The following ABHD12 variants were observed in gnomAD, a reference collection of about 807,000 sequenced individuals.
The protein encoded by ABHD12 is lysophosphatidylserine lipase ABHD12.
Under a neutral mutation model 58.3 loss-of-function variants are expected in ABHD12, and 43 were observed. That is an observed-to-expected ratio of 0.74 (90% CI 0.58 to 0.95). The LOEUF (loss-of-function observed/expected upper bound fraction) is 0.95, where lower values mean the gene tolerates loss of function less well. Ranked by LOEUF, ABHD12 falls within the 40% of genes least tolerant of loss-of-function variation. ABHD12 has a pLI of 0.00. For missense variants in ABHD12, 539 were observed against 537.2 expected (o/e 1.00, Z -0.03); for synonymous variants, 219 against 211.2 (o/e 1.04, Z -0.32).
At chr20:25,324,099 T>C (rs2089131832) in intron 2 of ABHD12, among the ~76,000 whole-genome samples, 1 of 152,184 alleles carries the variant, frequency 6.6e-6, no homozygotes. Flanking sequence ...TACCAGGTCA[T>C]CTGCCAGCAG....
chr20:25,386,263 C>CTTTT (rs201723868), intron 1 of ABHD12, among the ~76,000 whole-genome samples: 1 of 142,174 alleles, frequency 7.0e-6, no homozygotes, highest in Admixed American at 7.0e-5. Context: ...CTTTTTCTTT[C>CTTTT]TTTTTTTTTT....
At chr20:25,385,145 C>T (rs6050572) in intron 1 of ABHD12, among the ~76,000 whole-genome samples, 65 of 152,118 alleles carry the variant, frequency 4.3e-4, no homozygotes, top group African/African-American at 1.4e-3. Context: ...TGAGACCAGC[C>T]TGACCAACAT....
intron 1 of ABHD12, among the ~76,000 whole-genome samples, chr20:25,367,641 T>G (rs2500394): frequency 0.027 from 4,118 of 152,316 alleles, 180 homozygotes; most frequent in African/African-American, 0.09. Flanking sequence ...ACGACTCTAG[T>G]GCCTCACGTA....
At position 25,323,496 on chromosome 20, in the gene ABHD12, C is replaced by T. The variant is rs145913940; in HGVS notation, c.317-66G>A. On this transcript the variant is annotated intron_variant, in intron 2 of 12. Coordinates refer to ENST00000339157, the MANE Select transcript of ABHD12 (RefSeq NM_001042472.3). ...ATGAATACACACATGTACACACAAACATGCATACTCACACACGTGCACAGA... is the reference window on the plus strand; with the variant it reads ...ATGAATACACACATGTACACACAAATATGCATACTCACACACGTGCACAGA... The T allele has an allele frequency of 3.4e-4, 333 of 990,032 alleles. 2 individuals are homozygous for T. The African/African-American group carries it at 4.4e-3, about 13-fold the overall frequency. The allele number at this position is 990,032 out of a possible 1,614,324, so 61.3% of individuals were successfully genotyped here.
At chr20:25,303,824 T>G (rs1368863418) in intron 10 of ABHD12, among the ~76,000 whole-genome samples, 196 bp from the exon 11 acceptor site, 3 of 152,194 alleles carry the variant, frequency 2.0e-5, no homozygotes. Flanking sequence ...AGATGACAGG[T>G]GTCAATCACA....
At chr20:25,297,062 A>AGCCCCCT (rs1051584071), downstream of ABHD12, 1 of 161,354 alleles carries the variant, frequency 6.2e-6, no homozygotes, top group Non-Finnish European at 1.4e-5. Context: ...TCGCCTTCAC[A>AGCCCCCT]GCCCCCTGCC....
chr20:25,336,707 T>A (rs1023655665), intron 2 of ABHD12, among the ~76,000 whole-genome samples: 1 of 152,192 alleles, frequency 6.6e-6, no homozygotes, highest in Non-Finnish European at 1.5e-5. Flanking sequence ...ATGCTGCTCC[T>A]CTGAAGACTG....
intron 2 of ABHD12, among the ~76,000 whole-genome samples, chr20:25,330,291 C>A (rs574665761): frequency 6.6e-6 from 1 of 152,248 alleles, no homozygotes; most frequent in African/African-American, 2.4e-5. Flanking sequence ...GATTATATCC[C>A]GCACATGGCT....
chr20:25,320,395 C>G (rs1371473381), intron 3 of ABHD12, 77 bp from the exon 4 acceptor site: 8 of 1,594,614 alleles, frequency 5.0e-6, no homozygotes, highest in Non-Finnish European at 6.0e-6. Flanking sequence ...CGTGGTGTTA[C>G]TTAATCAGCT....
intron 1 of ABHD12, among the ~76,000 whole-genome samples, chr20:25,370,566 T>C (rs2089887370): frequency 3.3e-5 from 5 of 152,154 alleles, no homozygotes; most frequent in Admixed American, 3.3e-4. Flanking sequence ...AGTCAGGATG[T>C]ATAAGAGAGA....
chr20:25,315,864 C>T (rs563033799), intron 5 of ABHD12, among the ~76,000 whole-genome samples: 45 of 152,348 alleles, frequency 3.0e-4, no homozygotes, highest in Middle Eastern at 3.4e-3. Flanking sequence ...TGTCTGTGTT[C>T]CCTTCTGCCC....
intron 2 of ABHD12, among the ~76,000 whole-genome samples, chr20:25,330,320 C>A (rs6107028): frequency 6.6e-6 from 1 of 152,198 alleles, no homozygotes; most frequent in Admixed American, 6.5e-5. Flanking sequence ...CCTACGCCCA[C>A]GGAGTCTCGC....
intron 2 of ABHD12, among the ~76,000 whole-genome samples, chr20:25,335,968 A>T (rs1372157751): frequency 3.9e-5 from 5 of 127,908 alleles, no homozygotes; most frequent in African/African-American, 6.8e-5. Context: ...AATAATAAAT[A>T]AAAAAAAAAC....
At chr20:25,343,827 C>A (rs2089485609) in intron 1 of ABHD12, among the ~76,000 whole-genome samples, 1 of 152,082 alleles carries the variant, frequency 6.6e-6, no homozygotes. Context: ...ATAAAGAAAA[C>A]TAAAGACCCA....
rs529181784 is a variant in ABHD12, at chr20:25,368,822, T to TA, written c.191+21690dup. On this transcript the variant is annotated intron_variant, in intron 1 of 12. Coordinates refer to ENST00000339157, the MANE Select transcript of ABHD12 (RefSeq NM_001042472.3). ...GGCATCTGCAAAGCCTACTTTCTTT[T>TA]AAAAAAATTATTAGCCATCCTCAGA... 1,998 of 578,938 alleles carry TA rather than the reference T, an allele frequency of 3.5e-3. 25 individuals are homozygous for TA. The highest frequency in any genetic ancestry group is 0.028 in the African/African-American group (1,471 of 52,448). 35.9% of individuals were successfully genotyped at this position (578,938 alleles called of 1,614,324 possible). A position where few individuals can be genotyped will look rare whatever the true frequency, so the allele number is the denominator to read the frequency against.
Position 25,390,521 on chromosome 20 carries a change from C to G in ABHD12, c.183G>C (p.Ala61=). ...TCCGCGCGAAGCCTCACCTGCCCAG[C>G]GCCCGCTTCATTCCCGCGTCGGCTG... ...RCAADAGMKR[A]LGRRKGVWLR... The change falls in exon 1 of 13, where the codon GCG becomes GCC. Residue 61 remains alanine (A), a synonymous_variant. Coordinates refer to ENST00000339157, the MANE Select transcript of ABHD12 (RefSeq NM_001042472.3). The G allele has an allele frequency of 6.8e-7, 1 of 1,465,578 alleles. No homozygotes were observed. Among genetic ancestry groups the G allele is most frequent in the Admixed American group, 2.3e-5 (1 of 42,706 alleles). 90.8% of individuals were successfully genotyped at this position (1,465,578 alleles called of 1,614,324 possible).
intron 6 of ABHD12, among the ~76,000 whole-genome samples, chr20:25,314,598 G>A (rs1306490096): frequency 6.6e-6 from 1 of 151,650 alleles, no homozygotes; most frequent in Non-Finnish European, 1.5e-5. Flanking sequence ...AGGATCCCTT[G>A]AGCCAAGGAG....
chr20:25,337,706 G>T (rs1222801006), intron 2 of ABHD12, among the ~76,000 whole-genome samples: 1 of 152,240 alleles, frequency 6.6e-6, no homozygotes, highest in Non-Finnish European at 1.5e-5. Context: ...TCAAGTCTGA[G>T]GTCTGCTGAT....
At chr20:25,361,929 TG>T (rs2089754324) in intron 1 of ABHD12, among the ~76,000 whole-genome samples, 1 of 151,606 alleles carries the variant, frequency 6.6e-6, no homozygotes. Context: ...CACTCCAGCC[TG>T]GGGGACAGAG....
Sources: gnomAD v4.1 joint callset for allele counts (sites outside exome capture counted in the v4.1 genomes callset) on GRCh38, gnomAD v4.1.1 for gene constraint, MANE v1.5 for transcripts, NCBI Gene and HGNC (gene_info 2026-07-23, HGNC 2026-07-21) for gene names.